The following TIMP2 variants were observed in gnomAD, a reference collection of about 807,000 sequenced individuals.
TIMP2 encodes TIMP metallopeptidase inhibitor 2.
A neutral mutation model predicts 24.3 loss-of-function variants in TIMP2; 5 were observed. The ratio of observed to expected loss-of-function variants is 0.21; its 90% CI spans 0.11 to 0.43. The LOEUF (loss-of-function observed/expected upper bound fraction) is 0.43, where lower values mean the gene tolerates loss of function less well. Among genes scored for constraint, TIMP2 ranks in the 20% least tolerant of loss-of-function variants. TIMP2 has a pLI of 1.00. For synonymous variants in TIMP2, 130 were observed against 123.2 expected, an observed-to-expected ratio of 1.06 and a Z score of -0.37; for missense variants, 221 against 297.5, an observed-to-expected ratio of 0.74 and a Z score of 1.89.
rs1486599280 is a variant in TIMP2, at chr17:78,853,250, A to G, written c.*2417T>C. The G allele has an allele frequency of 3.9e-5, 6 of 152,664 alleles. No homozygotes were observed. Among genetic ancestry groups the G allele is most frequent in the Non-Finnish European group, 7.3e-5 (5 of 68,046 alleles). The allele number at this position is 152,664 out of a possible 1,614,324, so 9.5% of individuals were successfully genotyped here. On this transcript the variant is annotated 3_prime_UTR_variant, in exon 5 of 5. Transcript: ENST00000262768. ...AAGCAAAGATTTGAAAATAACTACA[A>G]TGTAAACTTTATTTTAAATATTTTG...
chr17:78,916,689 C>T (rs907465965), intron 1 of TIMP2, among the ~76,000 whole-genome samples: 3 of 152,214 alleles, frequency 2.0e-5, no homozygotes, highest in African/African-American at 4.8e-5. Context: ...CTCCTGTCTG[C>T]CCCCTCTCCC....
intron 3 of TIMP2, among the ~76,000 whole-genome samples, chr17:78,869,991 C>A (rs71368041): frequency 2.2e-3 from 1 of 458 alleles, no homozygotes; most frequent in African/African-American, 8.5e-3. Flanking sequence ...GGAGGTGGGC[C>A]AAGGCTGAGG....
intron 1 of TIMP2, chr17:78,899,985 A>G (rs924959283): frequency 5.3e-5 from 8 of 152,214 alleles, no homozygotes; most frequent in African/African-American, 1.9e-4. Context: ...ACCCTTTCAT[A>G]TGGAAAGTTA....
At chr17:78,872,339 G>C (rs1019888441) in intron 2 of TIMP2, among the ~76,000 whole-genome samples, 3 of 152,028 alleles carry the variant, frequency 2.0e-5, no homozygotes, top group Non-Finnish European at 4.4e-5. Context: ...ATGGCAATGA[G>C]AGCAGAGAGG....
chr17:78,865,637 A>AG (rs1471592439), intron 3 of TIMP2, among the ~76,000 whole-genome samples: 1 of 150,686 alleles, frequency 6.6e-6, no homozygotes, highest in African/African-American at 2.4e-5. Context: ...AAAAAAAAAA[A>AG]AAAAATTAGC....
intron 1 of TIMP2, among the ~76,000 whole-genome samples, chr17:78,918,549 G>A (rs1031309930): frequency 9.2e-5 from 14 of 152,098 alleles, no homozygotes; most frequent in Admixed American, 4.6e-4. Flanking sequence ...GGGTCTGCCC[G>A]CCTTCCCTCC....
intron 1 of TIMP2, among the ~76,000 whole-genome samples, chr17:78,875,202 G>C (rs1196438933): frequency 6.6e-6 from 1 of 152,172 alleles, no homozygotes; most frequent in Non-Finnish European, 1.5e-5. Context: ...CAGTAACACA[G>C]AGTCTATCAG....
At chr17:78,911,007 C>G (rs759975996) in intron 1 of TIMP2, among the ~76,000 whole-genome samples, 3 of 152,128 alleles carry the variant, frequency 2.0e-5, no homozygotes, top group Admixed American at 1.3e-4. Context: ...ATCATATGGC[C>G]GTTCTATTTG....
intron 1 of TIMP2, among the ~76,000 whole-genome samples, chr17:78,893,162 TGTGTGTGCATACATGTGTGTGCAGGG>T (rs1323782255): frequency 7.2e-6 from 1 of 139,498 alleles, no homozygotes; most frequent in Admixed American, 7.0e-5. Context: ...TGTGCAGGGG[TGTGTGTGCATACATGTGTGTGCAGGG>T]GTGTGTGCAA....
At position 78,853,062 on chromosome 17, in the gene TIMP2, T is replaced by C. The variant is rs2069496946; in HGVS notation, c.*2605A>G. 1.3e-5 allele frequency: 2 copies of C among 152,630 alleles called. No homozygotes were observed. The highest frequency in any genetic ancestry group is 4.8e-5 in the African/African-American group (2 of 41,444). The allele number at this position is 152,630 out of a possible 1,614,324, so 9.5% of individuals were successfully genotyped here. A position where few individuals can be genotyped will look rare whatever the true frequency, so the allele number is the denominator to read the frequency against. ...AGCATCAGAGACATGCGCAGTCTGC[T>C]TGTCAACTTTCAACAACTCTTGTGT... On this transcript the variant is annotated 3_prime_UTR_variant, in exon 5 of 5. Transcript: ENST00000262768.
chr17:78,874,124 C>T, intron 1 of TIMP2: 1 of 531,212 alleles, frequency 1.9e-6, no homozygotes, highest in Non-Finnish European at 3.3e-6. Context: ...CAGCCTCCTC[C>T]TCCTCCTTCC....
chr17:78,902,297 G>C (rs149587239), intron 1 of TIMP2, among the ~76,000 whole-genome samples: 1 of 152,194 alleles, frequency 6.6e-6, no homozygotes, highest in Non-Finnish European at 1.5e-5. Flanking sequence ...TAGTAGAGAC[G>C]GGGATTCACC....
chr17:78,884,135 C>G (rs1011739241), intron 1 of TIMP2, among the ~76,000 whole-genome samples: 1 of 152,218 alleles, frequency 6.6e-6, no homozygotes, highest in African/African-American at 2.4e-5. Context: ...CCGTGCAGGG[C>G]AGGAGGCAGA....
chr17:78,909,146 G>A (rs1349808344), intron 1 of TIMP2, among the ~76,000 whole-genome samples: 2 of 152,118 alleles, frequency 1.3e-5, no homozygotes, highest in Non-Finnish European at 2.9e-5. Context: ...CCAGGAGTTC[G>A]AGACCAGACT....
At chr17:78,856,002 C>T (rs1029384018) in intron 4 of TIMP2, 138 bp from the exon 5 acceptor site, 2 of 887,006 alleles carry the variant, frequency 2.3e-6, no homozygotes, top group African/African-American at 1.6e-5. Context: ...CCGAGACCCA[C>T]GGTTCCTGCA....
intron 1 of TIMP2, among the ~76,000 whole-genome samples, chr17:78,884,103 C>G (rs1051429753): frequency 6.6e-6 from 1 of 152,222 alleles, no homozygotes; most frequent in African/African-American, 2.4e-5. Context: ...AAGCCAGAGC[C>G]GGAGCAGGGA....
intron 1 of TIMP2, among the ~76,000 whole-genome samples, chr17:78,876,850 C>T (rs1367025782): frequency 6.6e-6 from 1 of 152,090 alleles, no homozygotes; most frequent in East Asian, 1.9e-4. Context: ...TTCTTCCGCC[C>T]CAAATGCCAT....
intron 1 of TIMP2, among the ~76,000 whole-genome samples, chr17:78,882,148 T>C (rs920394168): frequency 6.6e-6 from 1 of 152,132 alleles, no homozygotes; most frequent in African/African-American, 2.4e-5. Context: ...TTTTGTGTAT[T>C]TTTAGTAGAG....
chr17:78,870,820 G>A, intron 3 of TIMP2, 78 bp downstream of exon 3: 1 of 1,305,722 alleles, frequency 7.7e-7, no homozygotes. Context: ...CCGAGCCTGG[G>A]AAACGAGCCC....
Sources: allele counts gnomAD v4.1 joint callset (sites outside exome capture counted in the v4.1 genomes callset), GRCh38; gene constraint gnomAD v4.1.1; transcripts MANE v1.5; gene names NCBI Gene and HGNC (gene_info 2026-07-23, HGNC 2026-07-21).